ANKRD30B: variants seen among roughly 807,000 people sequenced by gnomAD.
ANKRD30B encodes ankyrin repeat domain-containing protein 30B.
In ANKRD30B, 144 loss-of-function variants were observed where a neutral mutation model predicts 202.2. The ratio of observed to expected loss-of-function variants is 0.71; its 90% CI spans 0.62 to 0.82. The LOEUF is 0.82. Ranked by LOEUF, ANKRD30B falls within the 40% of genes least tolerant of loss-of-function variation. ANKRD30B has a pLI of 0.00. For missense variants in ANKRD30B, 1,487 were observed against 1,669.1 expected (o/e 0.89, Z 1.90); for synonymous variants, 508 against 561.3 (o/e 0.91, Z 1.34).
In ANKRD30B at chr18:14,848,853, C is replaced by G. The variant is rs761007648; in HGVS notation, c.3319C>G (p.Leu1107Val). Reference protein sequence around the residue: ...KNKFCVLQKELSEAKEIKSQL... With the variant: ...KNKFCVLQKEVSEAKEIKSQL... ...TAAGTTTTGTGTACTACAAAAGGAA[C>G]TGTCAGAAGCGAAAGAAATAAAATC... Residue 1107 changes from leucine to valine, a missense_variant, in exon 40 of 44, where the codon CTG (leucine) becomes GTG (valine). Physicochemically the swap from Leu to Val is conservative, Grantham distance 32. Around this residue, in one of 6 missense-constraint regions of ANKRD30B, gnomAD observed 177 missense variants for 216.4 expected, o/e 0.82. Coordinates refer to ENST00000690538, the MANE Select transcript of ANKRD30B (RefSeq NM_001367607.2). The G allele has an allele frequency of 1.2e-6, 2 of 1,600,952 alleles. No individual in the cohort carries two copies. The highest frequency in any genetic ancestry group is 8.5e-7 in the Non-Finnish European group (1 of 1,174,418).
the ANKRD30B span, chr18:14,889,939 G>A: frequency 4.4e-5 from 29 of 653,236 alleles, no homozygotes; most frequent in Non-Finnish European, 7.2e-5. Context: ...GAGATATTTC[G>A]ACAAAAATGA....
At chr18:14,926,062 C>T in the ANKRD30B span, among the ~76,000 whole-genome samples, 1 of 152,188 alleles carries the variant, frequency 6.6e-6, no homozygotes, top group Non-Finnish European at 1.5e-5. Flanking sequence ...AGATAAACCT[C>T]AATTGCATTC....
At chr18:14,820,473 C>A (rs918500293) in intron 30 of ANKRD30B, among the ~76,000 whole-genome samples, 71 of 152,246 alleles carry the variant, frequency 4.7e-4, no homozygotes, top group East Asian at 7.7e-4. Flanking sequence ...AGTTTTTGCC[C>A]ATTCAGTATG....
Position 14,809,690 on chromosome 18 carries a change from G to A in ANKRD30B, c.2387-296G>A, listed in dbSNP as rs534188879. Among the ~76,000 whole-genome samples the A allele has an allele frequency of 1.3e-4, 20 of 151,052 alleles. 1 individual carries two copies. In the South Asian group the frequency reaches 2.5e-3, roughly 19 times the overall value. On this transcript the variant is annotated intron_variant, in intron 26 of 43. Transcript: ENST00000690538. ...CTCTCTGCAGGGGGAAACACATCAC[G>A]CGCTGTTGGCTCATTCTGGCAGTCC...
rs566184518 is a variant in ANKRD30B at position 14,770,805 on chromosome 18, T to A, written c.1257-1351T>A. The stretch of plus-strand genomic sequence containing the variant: ...GGAGGAATGGGCAAACTTCAAGCTT[T>A]CTATTGAAAGATAAAAAAAAAAAGA... On this transcript the variant is annotated intron_variant, in intron 8 of 43. Coordinates refer to ENST00000690538, the MANE Select transcript of ANKRD30B (RefSeq NM_001367607.2). Among the ~76,000 whole-genome samples the A allele has an allele frequency of 2.0e-5, 3 of 150,258 alleles. No homozygotes were observed. In the South Asian group the frequency reaches 6.3e-4, roughly 31 times the overall value.
chr18:14,868,594 G>A, the ANKRD30B span, among the ~76,000 whole-genome samples: 1 of 152,254 alleles, frequency 6.6e-6, no homozygotes, highest in African/African-American at 2.4e-5. Context: ...GAGGGTGGCT[G>A]CTGTGGCAGG....
At position 14,851,493 on chromosome 18, in the gene ANKRD30B, AT is replaced by A. The variant is rs1568077319; in HGVS notation, c.3565-12del. On this transcript the variant is annotated splice_polypyrimidine_tract_variant and intron_variant, in intron 41 of 43. Coordinates refer to ENST00000690538, the MANE Select transcript of ANKRD30B (RefSeq NM_001367607.2). ...TTTATTGAGTGCTAGTTAAATTTTT[AT>A]TTTGTTTTATTTAGGTTTCTCACAC... The A allele has an allele frequency of 6.7e-7, 1 of 1,492,112 alleles. No individual in the cohort carries two copies. The highest frequency in any genetic ancestry group is 8.9e-7 in the Non-Finnish European group (1 of 1,123,122). 92.4% of individuals were successfully genotyped at this position (1,492,112 alleles called of 1,614,324 possible). A position where few individuals can be genotyped will look rare whatever the true frequency, so the allele number is the denominator to read the frequency against.
At chr18:14,895,663 GTATACATTGGA>G in the ANKRD30B span, among the ~76,000 whole-genome samples, 6 of 152,214 alleles carry the variant, frequency 3.9e-5, no homozygotes, top group Admixed American at 2.6e-4. Flanking sequence ...TATGGTACAC[GTATACATTGGA>G]ATATTATTTA....
intron 9 of ANKRD30B, among the ~76,000 whole-genome samples, chr18:14,772,749 C>T (rs1394610659): frequency 3.6e-5 from 5 of 139,974 alleles, no homozygotes; most frequent in African/African-American, 5.4e-5. Context: ...TTTGATATCA[C>T]GTAGTTTTCA....
intron 32 of ANKRD30B, among the ~76,000 whole-genome samples, chr18:14,827,872 T>A (rs1169992281): frequency 6.6e-6 from 1 of 152,182 alleles, no homozygotes; most frequent in African/African-American, 2.4e-5. Flanking sequence ...TTTCCTTGCA[T>A]TTGAGAACTA....
the ANKRD30B span, among the ~76,000 whole-genome samples, chr18:14,922,381 C>T: frequency 1.3e-5 from 2 of 152,064 alleles, no homozygotes; most frequent in African/African-American, 2.4e-5. Flanking sequence ...CACGGCTGGG[C>T]GTGGTGGCTC....
intron 39 of ANKRD30B, among the ~76,000 whole-genome samples, chr18:14,848,085 T>C (rs1359527396): frequency 1.3e-5 from 2 of 152,140 alleles, no homozygotes; most frequent in Non-Finnish European, 2.9e-5. Context: ...CAGTTTTTGT[T>C]TCCTGTGTCA....
intron 6 of ANKRD30B, 133 bp downstream of exon 6, chr18:14,760,751 T>G (rs1295738795): frequency 4.9e-6 from 3 of 607,548 alleles, no homozygotes; most frequent in Admixed American, 3.5e-5. Flanking sequence ...TGTGGGTGTG[T>G]GTGTGTATAT....
the ANKRD30B span, among the ~76,000 whole-genome samples, chr18:14,910,438 T>A: frequency 6.6e-6 from 1 of 151,280 alleles, no homozygotes; most frequent in African/African-American, 2.4e-5. Context: ...GGCTAAGTAG[T>A]GTTACATAAT....
rs912590320 is a variant in ANKRD30B, at chr18:14,830,857, T to C, written c.2775-526T>C. On this transcript the variant is annotated intron_variant, in intron 33 of 43. Coordinates refer to ENST00000690538, the MANE Select transcript of ANKRD30B (RefSeq NM_001367607.2). ...CATTGGATGTTACAGGTTGGAGAGATAGAGTCAAAAATAGGTAAATGCAAT... is the reference window on the plus strand; with the variant it reads ...CATTGGATGTTACAGGTTGGAGAGACAGAGTCAAAAATAGGTAAATGCAAT... Among the ~76,000 whole-genome samples the C allele has an allele frequency of 7.2e-5, 11 of 152,112 alleles. No individual in the cohort carries two copies. In the East Asian group the frequency reaches 7.8e-4, roughly 11 times the overall value.
At chr18:14,878,404 T>C in the ANKRD30B span, among the ~76,000 whole-genome samples, 1 of 152,118 alleles carries the variant, frequency 6.6e-6, no homozygotes, top group Non-Finnish European at 1.5e-5. Context: ...TACTGCACTA[T>C]TATTAATAAG....
intron 33 of ANKRD30B, among the ~76,000 whole-genome samples, chr18:14,831,181 G>GGAAAAAAAAAAAAAAA (rs1267118242): frequency 1.1e-4 from 6 of 52,354 alleles, no homozygotes; most frequent in African/African-American, 1.5e-4. Context: ...CTCCGTCTCG[G>GGAAAAAAAAAAAAAAA]AAAAAAAAAA....
chr18:14,822,364 A>G, intron 30 of ANKRD30B, 119 bp from the exon 31 acceptor site: 1 of 739,146 alleles, frequency 1.4e-6, no homozygotes, highest in Admixed American at 2.0e-5. Context: ...CCCAAAACCT[A>G]GTGTAATCTC....
chr18:14,805,375 G>A (rs978156578), intron 24 of ANKRD30B, among the ~76,000 whole-genome samples: 3 of 150,758 alleles, frequency 2.0e-5, no homozygotes, highest in African/African-American at 7.4e-5. Context: ...TCAATATTGA[G>A]GGCCAATTAA....
Sources: allele counts gnomAD v4.1 joint callset (sites outside exome capture counted in the v4.1 genomes callset), GRCh38; gene constraint gnomAD v4.1.1; regional missense constraint gnomAD v4.1.1; transcripts MANE v1.5; gene names NCBI Gene and HGNC (gene_info 2026-07-23, HGNC 2026-07-21).